Variants in HDAC9 observed in about 807,000 individuals in gnomAD.
HDAC9 encodes the protein MEF-2 interacting transcription repressor (MITR) protein.
In HDAC9, 41 loss-of-function variants were observed where a neutral mutation model predicts 139.4. That is an observed-to-expected ratio of 0.29 (90% CI 0.23 to 0.38). HDAC9 has a LOEUF of 0.38. Ranked by LOEUF, HDAC9 falls within the 10% of genes least tolerant of loss-of-function variation. HDAC9 has a pLI of 1.00. For synonymous variants in HDAC9, 517 were observed against 476.2 expected (o/e 1.09, Z -1.12); for missense variants, 1,147 against 1,297.0 (o/e 0.88, Z 1.78).
chr7:18,930,238 C>T (rs78516442), intron 22 of HDAC9, among the ~76,000 whole-genome samples: 3,028 of 152,188 alleles, frequency 0.02, 88 homozygotes, highest in African/African-American at 0.068. Context: ...ACGTTTTCCA[C>T]TTAATCACTT....
intron 12 of HDAC9, chr7:18,666,736 T>A: frequency 1.6e-6 from 2 of 1,276,054 alleles, no homozygotes; most frequent in Non-Finnish European, 2.0e-6. Context: ...ATACTAAAAT[T>A]ATGATACATA....
At chr7:18,177,008 G>A (rs867642987) in intron 2 of HDAC9, among the ~76,000 whole-genome samples, 1 of 152,160 alleles carries the variant, frequency 6.6e-6, no homozygotes, top group Non-Finnish European at 1.5e-5. Flanking sequence ...GTACACTATC[G>A]AGTCTTTGAA....
intron 2 of HDAC9, among the ~76,000 whole-genome samples, chr7:18,505,387 A>T (rs1212240044): frequency 6.6e-6 from 1 of 152,196 alleles, no homozygotes; most frequent in African/African-American, 2.4e-5. Flanking sequence ...ATGTAAGGTT[A>T]ATAAAGCCTA....
At chr7:18,362,747 C>T (rs534672789) in intron 1 of HDAC9, among the ~76,000 whole-genome samples, 14 of 152,236 alleles carry the variant, frequency 9.2e-5, no homozygotes, top group African/African-American at 2.6e-4. Flanking sequence ...ATTTCATATA[C>T]TGGCTTTCAT....
At chr7:18,107,149 C>T (rs1181375900) in intron 1 of HDAC9, among the ~76,000 whole-genome samples, 2 of 152,176 alleles carry the variant, frequency 1.3e-5, no homozygotes, top group African/African-American at 4.8e-5. Context: ...CTCCCCTGCC[C>T]TGTGTAGATT....
chr7:18,107,973 T>C lies in HDAC9; in HGVS notation c.-97+20760T>C, dbSNP rs554440824. 7.9e-5 allele frequency among the ~76,000 whole-genome samples: 12 copies of C among 152,326 alleles called. No individual in the cohort carries two copies. The East Asian group carries it at 2.3e-3, about 29-fold the overall frequency. The stretch of plus-strand genomic sequence containing the variant: ...CTGAATCAGATTCTTAGACAAAGAT[T>C]TGAGTGCAGGTAGTTTACTAAGGAG... On this transcript the variant is annotated intron_variant, in intron 1 of 12. Transcript: ENST00000417496.
Position 18,829,457 on chromosome 7 carries a change from G to A in HDAC9, c.2379-4G>A, listed in dbSNP as rs1795702416. On this transcript the variant is annotated splice_region_variant and splice_polypyrimidine_tract_variant and intron_variant, in intron 18 of 25. Transcript: ENST00000686413. ...TTATTTCTCTGTTCTTCTCTATTCCGCAGGGGGTTCTGCTTTTTTAATTCA... is the reference window on the plus strand; with the variant it reads ...TTATTTCTCTGTTCTTCTCTATTCCACAGGGGGTTCTGCTTTTTTAATTCA... 3.1e-6 allele frequency: 5 copies of A among 1,600,252 alleles called. No individual in the cohort carries two copies. Among genetic ancestry groups the A allele is most frequent in the African/African-American group, 1.3e-5 (1 of 74,624 alleles).
At position 18,880,408 on chromosome 7, in the gene HDAC9, A is replaced by G. The variant is rs529173587; in HGVS notation, c.2803+5812A>G. On this transcript the variant is annotated intron_variant, in intron 22 of 25. Transcript: ENST00000686413. ...AATAGCAGTGACCTGGAATCAACTT[A>G]AGTGCCCATCAATGATTGACTGAAC... 3.9e-5 allele frequency among the ~76,000 whole-genome samples: 6 copies of G among 152,280 alleles called. No homozygotes were observed. In the South Asian group the frequency reaches 1.2e-3, roughly 32 times the overall value.
At chr7:18,877,539 T>TA (rs1189192003) in intron 22 of HDAC9, among the ~76,000 whole-genome samples, 1 of 152,208 alleles carries the variant, frequency 6.6e-6, no homozygotes, top group Non-Finnish European at 1.5e-5. Flanking sequence ...ATTTGATAAT[T>TA]ACAGAGAGTG....
chr7:18,512,723 C>A (rs1801925881), intron 2 of HDAC9, among the ~76,000 whole-genome samples: 1 of 152,170 alleles, frequency 6.6e-6, no homozygotes, highest in African/African-American at 2.4e-5. Context: ...TAAATTTCTT[C>A]TATACATTAT....
intron 1 of HDAC9, among the ~76,000 whole-genome samples, chr7:18,293,168 C>T (rs1371605329): frequency 3.9e-5 from 6 of 151,988 alleles, no homozygotes; most frequent in East Asian, 3.9e-4. Context: ...ATCAGCCAAG[C>T]TTTACCTATA....
intron 23 of HDAC9, among the ~76,000 whole-genome samples, chr7:18,939,721 A>G (rs1781891901): frequency 6.6e-6 from 1 of 152,230 alleles, no homozygotes; most frequent in South Asian, 2.1e-4. Flanking sequence ...AAAAAAATAC[A>G]AAAGGATGTC....
intron 2 of HDAC9, among the ~76,000 whole-genome samples, chr7:18,165,202 A>G (rs1473732640): frequency 2.6e-5 from 4 of 152,214 alleles, no homozygotes; most frequent in Non-Finnish European, 5.9e-5. Flanking sequence ...CATGTCAGAT[A>G]GTAAAAATCT....
At chr7:18,177,737 G>C (rs570413542) in intron 2 of HDAC9, among the ~76,000 whole-genome samples, 1 of 152,286 alleles carries the variant, frequency 6.6e-6, no homozygotes, top group Admixed American at 6.5e-5. Context: ...AGTACATTTT[G>C]TGGGGTGTAT....
At position 18,155,093 on chromosome 7, in the gene HDAC9, C is replaced by CTTTCTTTCTTTCTTTCTTTCT. The variant is rs761803907; in HGVS notation, c.-96-7133_-96-7132insCTTTCTTTCTTTCTTTCTTTT. Among the ~76,000 whole-genome samples, 533 of 141,696 alleles carry CTTTCTTTCTTTCTTTCTTTCT rather than the reference C, an allele frequency of 3.8e-3. 6 individuals are homozygous for CTTTCTTTCTTTCTTTCTTTCT. Among genetic ancestry groups the CTTTCTTTCTTTCTTTCTTTCT allele is most frequent in the East Asian group, 0.034 (164 of 4,758 alleles). 93.0% of individuals were successfully genotyped at this position (141,696 alleles called of 152,430 possible). A position where few individuals can be genotyped will look rare whatever the true frequency, so the allele number is the denominator to read the frequency against. The stretch of plus-strand genomic sequence containing the variant: ...GCTTTTTTTCTTTCTTTCTTTCTTT[C>CTTTCTTTCTTTCTTTCTTTCT]TTTTTTTTTTTTTAACAACCTCTTT... On this transcript the variant is annotated intron_variant, in intron 1 of 12. Coordinates refer to the HDAC9 transcript ENST00000417496.
At chr7:18,252,790 A>G (rs796635853) in intron 2 of HDAC9, among the ~76,000 whole-genome samples, 5 of 152,154 alleles carry the variant, frequency 3.3e-5, no homozygotes, top group African/African-American at 7.2e-5. Flanking sequence ...TGGTAGGTAA[A>G]TTTAACTCCC....
chr7:18,093,925 A>G (rs1309557154), intron 1 of HDAC9, among the ~76,000 whole-genome samples: 1 of 152,194 alleles, frequency 6.6e-6, no homozygotes, highest in African/African-American at 2.4e-5. Flanking sequence ...TCATTGGCCC[A>G]GATCCCCTTG....
intron 1 of HDAC9, among the ~76,000 whole-genome samples, chr7:18,091,900 C>T (rs562271835): frequency 5.8e-4 from 89 of 152,328 alleles, no homozygotes; most frequent in African/African-American, 2.0e-3. Context: ...ATGTGGCCCT[C>T]TCATAGGTAC....
At chr7:18,524,054 C>T (rs1204211560) in intron 2 of HDAC9, among the ~76,000 whole-genome samples, 2 of 151,988 alleles carry the variant, frequency 1.3e-5, no homozygotes, top group Non-Finnish European at 2.9e-5. Flanking sequence ...ACTATGAAAA[C>T]ATAGAGGGGA....
Sources: allele counts gnomAD v4.1 joint callset (sites outside exome capture counted in the v4.1 genomes callset), GRCh38; gene constraint gnomAD v4.1.1; transcripts MANE v1.5; gene names NCBI Gene and HGNC (gene_info 2026-07-23, HGNC 2026-07-21).